The following ZFR2 variants were observed in gnomAD, a reference collection of about 807,000 sequenced individuals.
ZFR2 encodes zinc finger RNA binding protein 2.
Under a neutral mutation model 105.7 loss-of-function variants are expected in ZFR2, and 104 were observed. That is an observed-to-expected ratio of 0.98 (90% CI 0.84 to 1.16). The LOEUF (loss-of-function observed/expected upper bound fraction) is 1.16. Among genes scored for constraint, ZFR2 ranks in the 50% most tolerant of loss-of-function variants. The pLI is 0.00. For synonymous variants in ZFR2, 634 were observed against 597.7 expected (o/e 1.06, Z -0.89); for missense variants, 1,425 against 1,355.5 (o/e 1.05, Z -0.80).
At position 3,827,491 on chromosome 19, in the gene ZFR2, G is replaced by C. The variant is rs377152206; in HGVS notation, c.1015C>G (p.Arg339Gly). ...CGTACCTTCTGGTGCTTGGATCCCC[G>C]GATGTGGGCCGCGTAGGCGTCCGCC... ...TGADAYAAHI[R>G]GSKHQKVFKL... The change falls in exon 6 of 19, where the codon CGG (arginine) becomes GGG (glycine). Residue 339 changes from arginine to glycine, a missense_variant. Physicochemically the swap from Arg to Gly is moderately radical, Grantham distance 125 (BLOSUM62 -2). Coordinates refer to ENST00000262961, the MANE Select transcript of ZFR2 (RefSeq NM_015174.2). 25 of 1,551,550 alleles carry C rather than the reference G, an allele frequency of 1.6e-5. No individual in the cohort carries two copies. The South Asian group carries it at 2.4e-4, about 15-fold the overall frequency.
At chr19:3,821,840 C>T (rs985798200) in intron 9 of ZFR2, among the ~76,000 whole-genome samples, 3 of 152,064 alleles carry the variant, frequency 2.0e-5, no homozygotes, top group African/African-American at 7.2e-5. Flanking sequence ...AACTCCTGAC[C>T]TCAAATGATC....
intron 1 of ZFR2, among the ~76,000 whole-genome samples, chr19:3,846,432 G>T (rs2038185234): frequency 6.6e-6 from 1 of 152,174 alleles, no homozygotes. Context: ...TTGTTAGAAA[G>T]GTATGTTTGT....
chr19:3,821,415 T>C lies in ZFR2; in HGVS notation c.1556A>G (p.Glu519Gly). 1 of 1,611,202 alleles carries C rather than the reference T, an allele frequency of 6.2e-7. No homozygotes were observed. Among genetic ancestry groups the C allele is most frequent in the South Asian group, 1.1e-5 (1 of 90,964 alleles). Residue 519 changes from glutamate (E) to glycine (G), a missense_variant, in exon 10 of 19, where the codon GAG becomes GGG. Transcript: ENST00000262961. ...EPSSRARKVL[E>G]ERMRKQRHLA... ...GTGCCGCTGCTTCCTCATGCGCTCC[T>C]CCAGGACCTTCCGAGCCCGGCTGCT...
intron 18 of ZFR2, among the ~76,000 whole-genome samples, chr19:3,806,349 G>A (rs1056574277): frequency 2.0e-5 from 3 of 150,612 alleles, no homozygotes; most frequent in Admixed American, 6.6e-5. Context: ...TGCAACCACC[G>A]CCTCCCAGGT....
chr19:3,813,070 ACT>A lies in ZFR2; in HGVS notation c.2242+748_2242+749del, dbSNP rs1363177968. Among the ~76,000 whole-genome samples the A allele has an allele frequency of 2.6e-5, 4 of 152,280 alleles. No individual in the cohort carries two copies. The highest frequency in any genetic ancestry group is 1.3e-4 in the Admixed American group (2 of 15,296). On this transcript the variant is annotated intron_variant, in intron 14 of 18. Transcript: ENST00000262961. This position sits in a 1 kb window ranked among gnomAD's most constrained non-coding sequence, Gnocchi z 4.4. ...ACTCCAGCCTGGGCAACAGAGCGAG[ACT>A]CTGTCTCAAAAAACAAACAAACAAA... is the stretch of plus-strand genomic sequence containing the variant.
chr19:3,852,352 C>T, intron 1 of ZFR2: 1 of 644,546 alleles, frequency 1.6e-6, no homozygotes, highest in Non-Finnish European at 2.8e-6. Flanking sequence ...CTCTCCTGAC[C>T]ATGGCTGGGC....
chr19:3,864,505 G>A (rs1220805383), intron 1 of ZFR2, among the ~76,000 whole-genome samples: 1 of 152,242 alleles, frequency 6.6e-6, no homozygotes, highest in Admixed American at 6.5e-5. Flanking sequence ...CTAGCCGACT[G>A]CGTAATACTG....
intron 1 of ZFR2, among the ~76,000 whole-genome samples, chr19:3,843,236 C>T (rs1023949699): frequency 2.6e-5 from 4 of 151,898 alleles, no homozygotes; most frequent in Non-Finnish European, 5.9e-5. Flanking sequence ...TTCGGGTGGC[C>T]GAGGCGGGCG....
chr19:3,857,334 C>T (rs1251716894), intron 1 of ZFR2, among the ~76,000 whole-genome samples: 2 of 151,960 alleles, frequency 1.3e-5, no homozygotes, highest in Non-Finnish European at 2.9e-5. Flanking sequence ...GAACCAAACA[C>T]GGCCTGCAGG....
At position 3,831,472 on chromosome 19, in the gene ZFR2, C is replaced by G. The variant is rs2038015039; in HGVS notation, c.683G>C (p.Gly228Ala). 6.4e-7 allele frequency: 1 copy of G among 1,550,392 alleles called. No homozygotes were observed. Among genetic ancestry groups the G allele is most frequent in the Admixed American group, 2.0e-5 (1 of 51,000 alleles). The change falls in exon 5 of 19, where the codon GGA (glycine) becomes GCA (alanine). Residue 228 changes from glycine (G) to alanine (A), a missense_variant. By Grantham distance (60) the Gly-to-Ala change is moderately conservative. Coordinates refer to ENST00000262961, the MANE Select transcript of ZFR2 (RefSeq NM_015174.2). ...CGGCGGGGGCAGCTGCTGCGGGGGT[C>G]CCGGGGGAGGCGGGGGCTGCGCTGG... is the stretch of plus-strand genomic sequence containing the variant. ...YPPAQPPPPP[G>A]PPQQLPPPPA...
chr19:3,825,167 GA>G (rs879919338), intron 7 of ZFR2, 62 bp downstream of exon 7: 3 of 1,395,996 alleles, frequency 2.1e-6, no homozygotes, highest in Non-Finnish European at 2.8e-6. Flanking sequence ...ATTTTCTCAC[GA>G]AACTTTCACT....
At chr19:3,839,177 C>T (rs2038109113) in intron 1 of ZFR2, among the ~76,000 whole-genome samples, 3 of 152,084 alleles carry the variant, frequency 2.0e-5, no homozygotes, top group Admixed American at 1.3e-4. Flanking sequence ...AGATCGGCCA[C>T]TGTGAGATTT....
At position 3,834,905 on chromosome 19, in the gene ZFR2, G is replaced by A. The variant is rs1395832020; in HGVS notation, c.132C>T (p.Ala44=). ...TAQPTPGMDP[A]VNPAFPPAAP... ...CAGCTGGGGGAAAGGCCGGGTTCAC[G>A]GCAGGGTCCATCCCAGGAGTGGGTT... Residue 44 remains alanine (A), a synonymous_variant, in exon 2 of 19, where the codon GCC becomes GCT. Coordinates refer to ENST00000262961, the MANE Select transcript of ZFR2 (RefSeq NM_015174.2). The surrounding 1 kb of genome is among the most constrained non-coding windows in gnomAD (Gnocchi z 5.3). 6.2e-6 allele frequency: 10 copies of A among 1,611,822 alleles called. No individual in the cohort carries two copies. Among genetic ancestry groups the A allele is most frequent in the African/African-American group, 2.7e-5 (2 of 75,030 alleles).
At chr19:3,822,533 C>CT (rs2037907242) in intron 8 of ZFR2, among the ~76,000 whole-genome samples, 1 of 151,762 alleles carries the variant, frequency 6.6e-6, no homozygotes, top group African/African-American at 2.4e-5. Flanking sequence ...TAGCGAGACC[C>CT]CCATCTCTAC....
At chr19:3,849,096 C>T (rs912145845) in intron 1 of ZFR2, among the ~76,000 whole-genome samples, 10 of 152,220 alleles carry the variant, frequency 6.6e-5, no homozygotes, top group Non-Finnish European at 1.3e-4. Context: ...GAGGAAGCTC[C>T]ATTCTTCTCT....
Position 3,858,130 on chromosome 19 carries a change from C to T in ZFR2, c.53+10835G>A, listed in dbSNP as rs1268903080. The stretch of plus-strand genomic sequence containing the variant: ...CCCCACTGATCTCATTTTGTTCACA[C>T]GGCCACCAAACTCAAGGGGACGTCA... On this transcript the variant is annotated intron_variant, in intron 1 of 18. Transcript: ENST00000262961. This position sits in a 1 kb window ranked among gnomAD's most constrained non-coding sequence, Gnocchi z 4.3. Among the ~76,000 whole-genome samples, 3 of 152,140 alleles carry T rather than the reference C, an allele frequency of 2.0e-5. No homozygotes were observed. The highest frequency in any genetic ancestry group is 4.4e-5 in the Non-Finnish European group (3 of 68,034).
At chr19:3,868,072 CCCT>C (rs140685242) in intron 1 of ZFR2, among the ~76,000 whole-genome samples, 15,203 of 151,510 alleles carry the variant, frequency 0.1, 954 homozygotes, top group East Asian at 0.22. Context: ...TCTGCCCTTC[CCCT>C]CCTCCTGCCC....
In ZFR2 at chr19:3,847,997, A is replaced by T. The variant is rs370876793; in HGVS notation, c.54-13014T>A. On this transcript the variant is annotated intron_variant, in intron 1 of 18. Transcript: ENST00000262961. ...ACAGGCCCTCTCTTTGGTTTTGTAC[A>T]ATCTACAGAGCTCAACAAGAGGGTA... 1.7e-3 allele frequency among the ~76,000 whole-genome samples: 260 copies of T among 152,354 alleles called. 1 individual carries two copies. Among genetic ancestry groups the T allele is most frequent in the African/African-American group, 6.1e-3 (252 of 41,574 alleles).
chr19:3,852,082 T>C, intron 1 of ZFR2: 1 of 285,006 alleles, frequency 3.5e-6, no homozygotes. Context: ...TGGGTGCCTC[T>C]TCTGGCCAAG....
Sources: allele counts gnomAD v4.1 joint callset (sites outside exome capture counted in the v4.1 genomes callset), GRCh38; gene constraint gnomAD v4.1.1; non-coding constraint Gnocchi (gnomAD v3.1); transcripts MANE v1.5; gene names NCBI Gene and HGNC (gene_info 2026-07-23, HGNC 2026-07-21).